CNBD1: variants seen among roughly 807,000 people sequenced by gnomAD.
The protein encoded by CNBD1 is cyclic nucleotide binding domain containing 1.
A neutral mutation model predicts 54.4 loss-of-function variants in CNBD1; 71 were observed. The observed-to-expected ratio is 1.30, with a 90% CI of 1.08 to 1.59. CNBD1 has a LOEUF of 1.59. Ranked by LOEUF, CNBD1 falls within the 40% of genes most tolerant of loss-of-function variation. The pLI is 0.00. For missense variants in CNBD1, 659 were observed against 518.0 expected (o/e 1.27, Z -2.64); for synonymous variants, 182 against 170.7 (o/e 1.07, Z -0.51).
At chr8:87,303,685 C>T (rs1029117138) in intron 8 of CNBD1, among the ~76,000 whole-genome samples, 3 of 150,552 alleles carry the variant, frequency 2.0e-5, no homozygotes, top group Admixed American at 2.0e-4. Flanking sequence ...AAACTACCAT[C>T]AGAGTGAACA....
At chr8:87,243,608 A>C (rs1378302766) in intron 6 of CNBD1, among the ~76,000 whole-genome samples, 3 of 152,120 alleles carry the variant, frequency 2.0e-5, no homozygotes, top group Non-Finnish European at 4.4e-5. Flanking sequence ...TCATTTATTC[A>C]TGGGCATTTT....
Position 87,275,561 on chromosome 8 carries a change from T to C in CNBD1, c.772-9117T>C, listed in dbSNP as rs1808460492. Among the ~76,000 whole-genome samples, 5 of 151,696 alleles carry C rather than the reference T, an allele frequency of 3.3e-5. No individual in the cohort carries two copies. In the South Asian group the frequency reaches 1.0e-3, roughly 31 times the overall value. ...AAACTCTCAATAAATTAGGTATTGA[T>C]GGGACGTATCTCAAAATAATAAGAG... On this transcript the variant is annotated intron_variant, in intron 6 of 10. Coordinates refer to ENST00000518476, the MANE Select transcript of CNBD1 (RefSeq NM_173538.3).
At chr8:86,979,964 C>A (rs1355035331) in intron 4 of CNBD1, among the ~76,000 whole-genome samples, 1 of 152,166 alleles carries the variant, frequency 6.6e-6, no homozygotes, top group Non-Finnish European at 1.5e-5. Flanking sequence ...AAGAATTGAG[C>A]TTCTACAAAT....
At chr8:87,134,164 T>C (rs1487785822) in intron 4 of CNBD1, among the ~76,000 whole-genome samples, 2 of 152,196 alleles carry the variant, frequency 1.3e-5, no homozygotes, top group Non-Finnish European at 2.9e-5. Flanking sequence ...GACTAATTTG[T>C]TTAAAATGTA....
At chr8:87,336,154 G>T (rs1286085835) in intron 8 of CNBD1, among the ~76,000 whole-genome samples, 5 of 152,116 alleles carry the variant, frequency 3.3e-5, no homozygotes, top group African/African-American at 4.8e-5. Context: ...CAACCTTGGA[G>T]AATCTGATGA....
intron 4 of CNBD1, among the ~76,000 whole-genome samples, chr8:87,026,021 T>G (rs73273661): frequency 0.03 from 4,620 of 152,300 alleles, 241 homozygotes; most frequent in African/African-American, 0.1. Context: ...TGCCATTATG[T>G]TTTAAAATAG....
At chr8:87,200,044 T>A (rs907072317) in intron 4 of CNBD1, among the ~76,000 whole-genome samples, 2 of 151,880 alleles carry the variant, frequency 1.3e-5, no homozygotes, top group African/African-American at 4.8e-5. Flanking sequence ...CATATCCCAA[T>A]AAAATGGTTT....
chr8:87,414,688 C>T (rs1037814316), intron 2 of CNBD1, among the ~76,000 whole-genome samples: 9 of 151,952 alleles, frequency 5.9e-5, no homozygotes, highest in African/African-American at 1.2e-4. Context: ...TTAAACATTA[C>T]TGGTTATCCT....
chr8:87,386,334 G>C (rs1056615994), downstream of CNBD1, among the ~76,000 whole-genome samples: 1 of 151,882 alleles, frequency 6.6e-6, no homozygotes, highest in Admixed American at 6.6e-5. Flanking sequence ...CAGGAAGTTC[G>C]AACCCATGGC....
At chr8:87,403,148 AT>A (rs571827438) in intron 2 of CNBD1, among the ~76,000 whole-genome samples, 1 of 151,956 alleles carries the variant, frequency 6.6e-6, no homozygotes. Flanking sequence ...AATTGATTTA[AT>A]TTTTTAAAAC....
chr8:87,185,234 G>A (rs1198338282), intron 4 of CNBD1, among the ~76,000 whole-genome samples: 1 of 152,072 alleles, frequency 6.6e-6, no homozygotes, highest in East Asian at 1.9e-4. Context: ...TTAAATTCAA[G>A]CCTTCTATAA....
chr8:86,894,699 C>G (rs1432651751), intron 2 of CNBD1, among the ~76,000 whole-genome samples: 1 of 152,112 alleles, frequency 6.6e-6, no homozygotes, highest in African/African-American at 2.4e-5. Context: ...TCCCTTCTCC[C>G]TATCCTCAAC....
intron 4 of CNBD1, among the ~76,000 whole-genome samples, chr8:87,172,937 G>A (rs1227104468): frequency 1.3e-5 from 2 of 151,824 alleles, no homozygotes; most frequent in African/African-American, 4.8e-5. Flanking sequence ...CGGTTATTTT[G>A]TGGCCTTTCT....
chr8:87,347,093 A>C (rs932722377), intron 8 of CNBD1, among the ~76,000 whole-genome samples: 1 of 152,128 alleles, frequency 6.6e-6, no homozygotes, highest in African/African-American at 2.4e-5. Context: ...GATCTTTCAC[A>C]CGTACTTTGC....
chr8:87,362,872 T>C (rs1810551511), intron 10 of CNBD1, among the ~76,000 whole-genome samples: 1 of 152,086 alleles, frequency 6.6e-6, no homozygotes, highest in South Asian at 2.1e-4. Flanking sequence ...TTGCATATTC[T>C]AACTTTTTTT....
intron 6 of CNBD1, among the ~76,000 whole-genome samples, chr8:87,282,918 A>G (rs1808624386): frequency 1.3e-5 from 2 of 152,074 alleles, no homozygotes; most frequent in Admixed American, 1.3e-4. Flanking sequence ...TATAAAAGCA[A>G]ATGCATCTTT....
intron 6 of CNBD1, among the ~76,000 whole-genome samples, chr8:87,271,240 T>C (rs1563532281): frequency 6.6e-6 from 1 of 151,854 alleles, no homozygotes; most frequent in Non-Finnish European, 1.5e-5. Context: ...GTTGATCTTG[T>C]ATATATTTTT....
At chr8:87,291,441 A>G (rs1585987545) in intron 8 of CNBD1, among the ~76,000 whole-genome samples, 1 of 152,138 alleles carries the variant, frequency 6.6e-6, no homozygotes, top group Non-Finnish European at 1.5e-5. Context: ...ATTTTCTGCT[A>G]AAGAGCAGAT....
rs1468119251 is a variant in CNBD1 at position 87,102,140 on chromosome 8, G to A, written c.432-103853G>A. Among the ~76,000 whole-genome samples the A allele has an allele frequency of 4.6e-5, 7 of 152,128 alleles. No homozygotes were observed. In the South Asian group the frequency reaches 1.5e-3, roughly 32 times the overall value. On this transcript the variant is annotated intron_variant, in intron 4 of 10. Transcript: ENST00000518476. ...CTGACTTCGTGATCTGCCCGCCTCG[G>A]CCTCCCAAAGTGCTGGGATTACAGG...
Sources: allele counts gnomAD v4.1 joint callset (sites outside exome capture counted in the v4.1 genomes callset), GRCh38; gene constraint gnomAD v4.1.1; transcripts MANE v1.5; gene names NCBI Gene and HGNC (gene_info 2026-07-23, HGNC 2026-07-21).